Variants in IQCJ observed in about 807,000 individuals in gnomAD.
IQCJ encodes the protein IQ motif containing J.
Under a neutral mutation model 11.0 loss-of-function variants are expected in IQCJ, and 9 were observed. The ratio of observed to expected loss-of-function variants is 0.82; its 90% CI spans 0.49 to 1.43. The LOEUF (loss-of-function observed/expected upper bound fraction) is 1.43. Among genes scored for constraint, IQCJ ranks in the 40% most tolerant of loss-of-function variants. The pLI is 0.00. For synonymous variants in IQCJ, 55 were observed against 51.3 expected, an observed-to-expected ratio of 1.07 and a Z score of -0.31; for missense variants, 146 against 133.2, an observed-to-expected ratio of 1.10 and a Z score of -0.47.
intron 1 of IQCJ, among the ~76,000 whole-genome samples, chr3:159,179,655 C>T (rs1338790323): frequency 6.6e-6 from 1 of 152,154 alleles, no homozygotes; most frequent in Non-Finnish European, 1.5e-5. Context: ...ATCAGTTTTA[C>T]TTAAGCACAT....
intron 1 of IQCJ, among the ~76,000 whole-genome samples, chr3:159,115,130 T>G: frequency 6.6e-6 from 1 of 152,224 alleles, no homozygotes; most frequent in South Asian, 2.1e-4. Flanking sequence ...GTAGGAAAGT[T>G]GCTTGTTGAC....
At chr3:159,069,664 C>T in intron 1 of IQCJ, 1 of 631,316 alleles carries the variant, frequency 1.6e-6, no homozygotes, top group Non-Finnish European at 2.7e-6. Context: ...ATACATGTGT[C>T]TGTGCGGACA....
At chr3:159,251,006 A>G (rs1374013026) in intron 2 of IQCJ, among the ~76,000 whole-genome samples, 1 of 152,194 alleles carries the variant, frequency 6.6e-6, no homozygotes, top group Middle Eastern at 3.2e-3. Flanking sequence ...GAGACATTAA[A>G]TATATGTGTA....
At chr3:159,170,173 A>G (rs748427186) in intron 1 of IQCJ, among the ~76,000 whole-genome samples, 6 of 152,340 alleles carry the variant, frequency 3.9e-5, no homozygotes, top group Middle Eastern at 3.4e-3. Flanking sequence ...GAGACTTCCT[A>G]AAGCCAATCC....
chr3:159,248,628 A>G (rs1300936102), intron 2 of IQCJ, among the ~76,000 whole-genome samples: 1 of 152,202 alleles, frequency 6.6e-6, no homozygotes, highest in Non-Finnish European at 1.5e-5. Flanking sequence ...CTCTAGAAAA[A>G]TTGAATTAGA....
At chr3:159,145,751 T>C (rs1038311597) in intron 1 of IQCJ, among the ~76,000 whole-genome samples, 2 of 152,172 alleles carry the variant, frequency 1.3e-5, no homozygotes, top group African/African-American at 2.4e-5. Context: ...CAGCTATACA[T>C]TGATACATTC....
intron 1 of IQCJ, among the ~76,000 whole-genome samples, chr3:159,236,637 C>T (rs942599293): frequency 2.0e-5 from 3 of 152,192 alleles, no homozygotes; most frequent in African/African-American, 7.2e-5. Flanking sequence ...GCATCATTTA[C>T]AGCCACTGAG....
intron 1 of IQCJ, among the ~76,000 whole-genome samples, chr3:159,213,735 C>T (rs907062505): frequency 3.9e-5 from 6 of 152,206 alleles, no homozygotes; most frequent in Non-Finnish European, 7.3e-5. Context: ...CAAATATTAA[C>T]TTAAAAGTCT....
intron 1 of IQCJ, among the ~76,000 whole-genome samples, chr3:159,108,006 CAAAAAAAAA>C (rs367862873): frequency 2.0e-5 from 2 of 100,944 alleles, no homozygotes; most frequent in African/African-American, 4.0e-5. Context: ...TATGGTTTTC[CAAAAAAAAA>C]AAAAAAAAAA....
chr3:159,106,997 G>T (rs1349627620), intron 1 of IQCJ, among the ~76,000 whole-genome samples: 1 of 152,132 alleles, frequency 6.6e-6, no homozygotes, highest in Admixed American at 6.5e-5. Context: ...GATTACTTTT[G>T]TGAAGTCAAA....
chr3:159,119,730 C>A (rs986019281), intron 1 of IQCJ, among the ~76,000 whole-genome samples: 12 of 152,160 alleles, frequency 7.9e-5, no homozygotes, highest in African/African-American at 2.9e-4. Flanking sequence ...AATGTATCTC[C>A]TTTTTGATCA....
intron 1 of IQCJ, among the ~76,000 whole-genome samples, chr3:159,084,990 A>G (rs1363255931): frequency 6.6e-6 from 1 of 151,960 alleles, no homozygotes; most frequent in Non-Finnish European, 1.5e-5. Flanking sequence ...ATATGTATAC[A>G]TGTGCCATGC....
chr3:159,232,867 G>A (rs781008185), intron 1 of IQCJ, among the ~76,000 whole-genome samples: 1 of 152,096 alleles, frequency 6.6e-6, no homozygotes, highest in Non-Finnish European at 1.5e-5. Context: ...TTCCTAAAGA[G>A]GACTTTAAAT....
At chr3:159,201,728 G>A (rs1016478724) in intron 1 of IQCJ, among the ~76,000 whole-genome samples, 8 of 135,728 alleles carry the variant, frequency 5.9e-5, no homozygotes, top group South Asian at 2.5e-4. Flanking sequence ...TCCGCCTCCC[G>A]GGTTCACGCC....
At chr3:159,086,420 G>C (rs1037071209) in intron 1 of IQCJ, among the ~76,000 whole-genome samples, 57 of 152,260 alleles carry the variant, frequency 3.7e-4, no homozygotes, top group African/African-American at 1.3e-3. Context: ...GGTTCCATAT[G>C]AACTTTAAAG....
chr3:159,181,247 C>T (rs1723074948), intron 1 of IQCJ, among the ~76,000 whole-genome samples: 2 of 151,606 alleles, frequency 1.3e-5, no homozygotes, highest in South Asian at 4.2e-4. Flanking sequence ...TGCTGCCTTT[C>T]CTGCCTCAGT....
chr3:159,263,683 G>A lies in IQCJ; in HGVS notation c.*952G>A, dbSNP rs940890326. 1.0e-6 allele frequency: 1 copy of A among 985,252 alleles called. No individual in the cohort carries two copies. The highest frequency in any genetic ancestry group is 6.2e-5 in the Admixed American group (1 of 16,252). The allele number at this position is 985,252 out of a possible 1,614,324, so 61.0% of individuals were successfully genotyped here. A position where few individuals can be genotyped will look rare whatever the true frequency, so the allele number is the denominator to read the frequency against. Reference sequence around the variant, plus strand: ...ACTCAACGCAATGTATTCTTTTTGGGATCAGGTAAAAGTTACTGTATTTGA... The same window carrying A: ...ACTCAACGCAATGTATTCTTTTTGGAATCAGGTAAAAGTTACTGTATTTGA... On this transcript the variant is annotated 3_prime_UTR_variant, in exon 4 of 4. Transcript: ENST00000397832.
intron 1 of IQCJ, among the ~76,000 whole-genome samples, chr3:159,157,695 C>T (rs987638832): frequency 2.6e-5 from 4 of 152,158 alleles, no homozygotes; most frequent in Non-Finnish European, 4.4e-5. Flanking sequence ...ATTCTCATGG[C>T]CCAGCATACA....
At chr3:159,231,508 G>A (rs1217134510) in intron 1 of IQCJ, among the ~76,000 whole-genome samples, 2 of 152,006 alleles carry the variant, frequency 1.3e-5, no homozygotes, top group South Asian at 2.1e-4. Flanking sequence ...CGTTCCTTTT[G>A]ATGTGCTGCT....
Sources: allele counts gnomAD v4.1 joint callset (sites outside exome capture counted in the v4.1 genomes callset), GRCh38; gene constraint gnomAD v4.1.1; transcripts MANE v1.5; gene names NCBI Gene and HGNC (gene_info 2026-07-23, HGNC 2026-07-21).